The following TAF4B variants were observed in gnomAD, a reference collection of about 807,000 sequenced individuals.
TAF4B encodes TATA-box binding protein associated factor 4b, also known as transcription initiation factor TFIID subunit 4B.
In TAF4B, 38 loss-of-function variants were observed where a neutral mutation model predicts 86.4. The ratio of observed to expected loss-of-function variants is 0.44; its 90% CI spans 0.34 to 0.58. The LOEUF is 0.58. Ranked by LOEUF, TAF4B falls within the 20% of genes least tolerant of loss-of-function variation. The probability of loss-of-function intolerance (pLI) is 0.02; values close to 1 mark genes in which losing one functional copy is unlikely to be tolerated. For missense variants in TAF4B, 988 were observed against 1,027.6 expected (o/e 0.96, Z 0.53); for synonymous variants, 388 against 391.2 (o/e 0.99, Z 0.10).
At position 26,335,118 on chromosome 18, in the gene TAF4B, C is replaced by A. The variant is rs2057080283; in HGVS notation, c.2260-57C>A. ...TTGTCATTTATTAAATATTTAATGG[C>A]AACTATGGTGTTCAGATGCTAGTAA... On this transcript the variant is annotated intron_variant, in intron 12 of 14. Transcript: ENST00000269142. 10 of 1,209,922 alleles carry A rather than the reference C, an allele frequency of 8.3e-6. No individual in the cohort carries two copies. The East Asian group carries it at 2.4e-4, about 29-fold the overall frequency. 74.9% of individuals were successfully genotyped at this position (1,209,922 alleles called of 1,614,324 possible).
rs771860803 is a variant in TAF4B, at chr18:26,274,833, T to G, written c.759+9T>G. 5.0e-6 allele frequency: 8 copies of G among 1,614,050 alleles called. No homozygotes were observed. The highest frequency in any genetic ancestry group is 6.8e-6 in the Non-Finnish European group (8 of 1,179,940). On this transcript the variant is annotated intron_variant, in intron 4 of 14. Coordinates refer to ENST00000269142, the MANE Select transcript of TAF4B (RefSeq NM_005640.3). ...AGATTAATCTTTCTCCGGTAAGCTC[T>G]TACTTGCACCTTACATAAATCTTGT...
chr18:26,311,683 A>G (rs1286969238), intron 9 of TAF4B, among the ~76,000 whole-genome samples: 1 of 152,200 alleles, frequency 6.6e-6, no homozygotes, highest in Non-Finnish European at 1.5e-5. Context: ...TAGTCTAAGC[A>G]AAGTCCAGAA....
At chr18:26,291,487 G>A (rs746631545) in intron 7 of TAF4B, among the ~76,000 whole-genome samples, 2 of 151,876 alleles carry the variant, frequency 1.3e-5, no homozygotes, top group Admixed American at 6.6e-5. Context: ...TGGGCGGATC[G>A]CTTGAGGTCA....
At chr18:26,243,575 T>C (rs2055876035) in intron 1 of TAF4B, among the ~76,000 whole-genome samples, 1 of 152,232 alleles carries the variant, frequency 6.6e-6, no homozygotes, top group Admixed American at 6.5e-5. Flanking sequence ...TCTGAAGCCT[T>C]CTTCTCTCAA....
intron 14 of TAF4B, among the ~76,000 whole-genome samples, chr18:26,369,757 C>A (rs547444068): frequency 3.2e-4 from 49 of 152,330 alleles, no homozygotes; most frequent in African/African-American, 1.2e-3. Context: ...ACTAGGTTAA[C>A]AATTACACAT....
In TAF4B at chr18:26,334,736, T is replaced by C. The variant is rs114576289; in HGVS notation, c.2260-439T>C. On this transcript the variant is annotated intron_variant, in intron 12 of 14. Coordinates refer to ENST00000269142, the MANE Select transcript of TAF4B (RefSeq NM_005640.3). ...AAAGAGAGATTTGGTTCAAGGTTAG[T>C]CAGGTTCTTGATTTTAATAGTCCTC... Among the ~76,000 whole-genome samples the C allele has an allele frequency of 9.9e-3, 1,508 of 152,340 alleles. 12 individuals are homozygous for C. The highest frequency in any genetic ancestry group is 0.034 in the African/African-American group (1,402 of 41,576).
At chr18:26,260,123 A>G (rs571219454) in intron 1 of TAF4B, among the ~76,000 whole-genome samples, 22 of 151,784 alleles carry the variant, frequency 1.4e-4, no homozygotes, top group Middle Eastern at 3.4e-3. Flanking sequence ...CCACTTTTTG[A>G]TGGGGTTTGT....
chr18:26,255,838 C>G, intron 1 of TAF4B: 1 of 1,375,302 alleles, frequency 7.3e-7, no homozygotes. Context: ...TAGATGATCC[C>G]ACAACATGTC....
intron 1 of TAF4B, among the ~76,000 whole-genome samples, chr18:26,250,788 A>G (rs2055995320): frequency 6.6e-6 from 1 of 152,242 alleles, no homozygotes; most frequent in Admixed American, 6.5e-5. Flanking sequence ...AAAAGAAGAA[A>G]GTAAACATCA....
rs762518772 is a variant in TAF4B, at chr18:26,321,024, A to T, written c.2003-46A>T. On this transcript the variant is annotated intron_variant, in intron 10 of 14. Transcript: ENST00000269142. ...ACCTGCTGTGCTAATTATTTCAATT[A>T]TCAGCCACTACTAAAACACGTAATG... 1.9e-6 allele frequency: 3 copies of T among 1,609,628 alleles called. No homozygotes were observed. In the African/African-American group the frequency reaches 4.0e-5, roughly 22 times the overall value.
intron 1 of TAF4B, among the ~76,000 whole-genome samples, chr18:26,229,756 G>T (rs1378886918): frequency 6.6e-6 from 1 of 152,056 alleles, no homozygotes; most frequent in African/African-American, 2.4e-5. Flanking sequence ...GCCTGCTTCG[G>T]TCTCTCAGAG....
At chr18:26,373,737 T>C (rs373235474) in intron 14 of TAF4B, among the ~76,000 whole-genome samples, 4 of 152,192 alleles carry the variant, frequency 2.6e-5, no homozygotes, top group African/African-American at 9.7e-5. Flanking sequence ...GGAGTTGTAA[T>C]ATACTTGTTG....
rs2056254498 is a variant in TAF4B at position 26,267,421 on chromosome 18, T to TGCTGTCATAAA, written c.490-93_490-83dup. 2.7e-5 allele frequency: 21 copies of TGCTGTCATAAA among 791,132 alleles called. No individual in the cohort carries two copies. The South Asian group carries it at 3.2e-4, about 12-fold the overall frequency. 49.0% of individuals were successfully genotyped at this position (791,132 alleles called of 1,614,324 possible). On this transcript the variant is annotated intron_variant, in intron 2 of 14. Transcript: ENST00000269142. ...TAACTCCAGTCATAACAAATACATT[T>TGCTGTCATAAA]GCTGTCATAAAGTGTTCTAATGTTC...
chr18:26,382,736 C>T (rs1978296925), intron 14 of TAF4B, among the ~76,000 whole-genome samples: 1 of 152,132 alleles, frequency 6.6e-6, no homozygotes, highest in Non-Finnish European at 1.5e-5. Flanking sequence ...GGTTCTCCTA[C>T]AGATGATATC....
chr18:26,276,888 T>C (rs960304375), intron 5 of TAF4B, among the ~76,000 whole-genome samples: 12 of 152,186 alleles, frequency 7.9e-5, no homozygotes, highest in Non-Finnish European at 1.5e-4. Context: ...GTGAATTTTA[T>C]GGACAGATAG....
chr18:26,334,907 A>G (rs1441550672), intron 12 of TAF4B, among the ~76,000 whole-genome samples: 2 of 152,110 alleles, frequency 1.3e-5, no homozygotes, highest in African/African-American at 4.8e-5. Flanking sequence ...CTACAAGAAC[A>G]ACGTCATGCC....
intron 14 of TAF4B, among the ~76,000 whole-genome samples, chr18:26,386,659 A>G (rs1978391472): frequency 1.3e-5 from 2 of 152,170 alleles, no homozygotes; most frequent in Admixed American, 6.5e-5. Flanking sequence ...TGAATCATAC[A>G]GTATGAATTC....
At chr18:26,317,333 C>T (rs1400724666) in intron 10 of TAF4B, among the ~76,000 whole-genome samples, 1 of 151,996 alleles carries the variant, frequency 6.6e-6, no homozygotes, top group Non-Finnish European at 1.5e-5. Flanking sequence ...GCCCAGCCTG[C>T]TTCCAAATTC....
chr18:26,314,843 TG>T (rs894586045), intron 9 of TAF4B, among the ~76,000 whole-genome samples: 63 of 152,280 alleles, frequency 4.1e-4, no homozygotes, highest in African/African-American at 1.4e-3. Context: ...ATGGATGACT[TG>T]GTGTAACTCC....
Sources: gnomAD v4.1 joint callset for allele counts (sites outside exome capture counted in the v4.1 genomes callset) on GRCh38, gnomAD v4.1.1 for gene constraint, MANE v1.5 for transcripts, NCBI Gene and HGNC (gene_info 2026-07-23, HGNC 2026-07-21) for gene names.